Variants in PCSK5 observed in about 807,000 individuals in gnomAD.
The protein encoded by PCSK5 is proprotein convertase subtilisin/kexin type 5, also known as prohormone convertase 5.
A neutral mutation model predicts 233.2 loss-of-function variants in PCSK5; 129 were observed. That is an observed-to-expected ratio of 0.55 (90% confidence interval 0.48 to 0.64). PCSK5 has a LOEUF of 0.64. PCSK5 is among the 30% of genes least tolerant of loss of function. PCSK5 has a pLI of 0.00. For missense variants in PCSK5, 2,076 were observed against 2,430.1 expected (o/e 0.85, Z 3.06); for synonymous variants, 825 against 879.2 (o/e 0.94, Z 1.09).
intron 1 of PCSK5, among the ~76,000 whole-genome samples, chr9:75,914,442 T>C (rs1822891186): frequency 6.6e-6 from 1 of 152,166 alleles, no homozygotes; most frequent in South Asian, 2.1e-4. Flanking sequence ...AGAGGAGCCC[T>C]AATACTAGTC....
chr9:76,154,584 A>G (rs1163106544), intron 10 of PCSK5, among the ~76,000 whole-genome samples: 1 of 152,164 alleles, frequency 6.6e-6, no homozygotes, highest in Non-Finnish European at 1.5e-5. Context: ...CAACATGCCA[A>G]TCGAATCTTT....
At chr9:76,147,318 G>A (rs1823479744) in intron 10 of PCSK5, among the ~76,000 whole-genome samples, 1 of 152,176 alleles carries the variant, frequency 6.6e-6, no homozygotes, top group South Asian at 2.1e-4. Context: ...CATATAAAAA[G>A]ATACTGACAT....
intron 1 of PCSK5, among the ~76,000 whole-genome samples, chr9:75,892,304 T>G (rs1036985154): frequency 6.6e-6 from 1 of 152,096 alleles, no homozygotes; most frequent in African/African-American, 2.4e-5. Context: ...GTACTCCGGG[T>G]TCAGTGGTCT....
intron 2 of PCSK5, among the ~76,000 whole-genome samples, chr9:75,954,227 A>T (rs999267312): frequency 2.6e-5 from 4 of 152,130 alleles, no homozygotes; most frequent in African/African-American, 9.7e-5. Flanking sequence ...TGAGATTATC[A>T]TCAGGATATG....
chr9:76,174,716 GTGTT>G (rs1823493271), intron 13 of PCSK5, among the ~76,000 whole-genome samples: 1 of 152,208 alleles, frequency 6.6e-6, no homozygotes, highest in Non-Finnish European at 1.5e-5. Flanking sequence ...AATCTGAAGT[GTGTT>G]TGTTTCTCAG....
At chr9:75,922,442 G>T (rs1210682211) in intron 1 of PCSK5, among the ~76,000 whole-genome samples, 3 of 152,112 alleles carry the variant, frequency 2.0e-5, no homozygotes, top group Non-Finnish European at 4.4e-5. Context: ...TTGTCTAGGG[G>T]AAGTAACCTG....
intron 29 of PCSK5, among the ~76,000 whole-genome samples, chr9:76,310,379 G>A (rs1828830421): frequency 6.6e-6 from 1 of 152,122 alleles, no homozygotes; most frequent in Middle Eastern, 3.2e-3. Context: ...TAGAGAGTGT[G>A]TTAATAAGAC....
At chr9:76,161,786 C>G (rs1822871712) in intron 12 of PCSK5, among the ~76,000 whole-genome samples, 1 of 152,204 alleles carries the variant, frequency 6.6e-6, no homozygotes, top group African/African-American at 2.4e-5. Flanking sequence ...TCTTCAACAG[C>G]CAACATCTGC....
intron 7 of PCSK5, among the ~76,000 whole-genome samples, chr9:76,089,202 A>G (rs1010456986): frequency 2.0e-5 from 3 of 152,130 alleles, no homozygotes; most frequent in African/African-American, 7.2e-5. Flanking sequence ...TAAAGAGCTT[A>G]CACAGAGGAC....
In PCSK5 at chr9:75,986,359, A is replaced by G. The variant is rs777826592; in HGVS notation, c.411+114A>G. The G allele has an allele frequency of 3.1e-4, 202 of 653,836 alleles. 1 individual carries two copies. Among genetic ancestry groups the G allele is most frequent in the Middle Eastern group, 1.9e-3 (6 of 3,214 alleles). 40.5% of individuals were successfully genotyped at this position (653,836 alleles called of 1,614,324 possible). On this transcript the variant is annotated intron_variant, in intron 3 of 37. Transcript: ENST00000674117. ...AAATACTGACCAGGGATTGTTTCCTATTTTAATACCCACCATTTGAGATTG... is the reference window on the plus strand; with the variant it reads ...AAATACTGACCAGGGATTGTTTCCTGTTTTAATACCCACCATTTGAGATTG...
chr9:76,184,783 G>A (rs776261328), intron 17 of PCSK5, 26 bp downstream of exon 17: 37 of 1,338,360 alleles, frequency 2.8e-5, no homozygotes, highest in Non-Finnish European at 3.8e-5. Flanking sequence ...ATTTTATCAA[G>A]TAACACAGCC....
chr9:76,000,702 C>T (rs6560484), intron 3 of PCSK5, among the ~76,000 whole-genome samples: 63,733 of 151,872 alleles, frequency 0.42, 13,560 homozygotes, highest in Middle Eastern at 0.46. Flanking sequence ...TTAACTTAAA[C>T]ATAGTTGATG....
chr9:76,291,826 G>A (rs571035450), intron 24 of PCSK5, among the ~76,000 whole-genome samples: 2 of 152,268 alleles, frequency 1.3e-5, no homozygotes, highest in African/African-American at 2.4e-5. Context: ...AAGATTCTTG[G>A]GTAACTGATG....
At chr9:76,247,533 A>G (rs926556838) in intron 24 of PCSK5, among the ~76,000 whole-genome samples, 4 of 152,076 alleles carry the variant, frequency 2.6e-5, no homozygotes, top group Admixed American at 6.6e-5. Context: ...TGCAAGCCCC[A>G]TGTTTAAAGG....
chr9:76,099,581 A>C (rs952148268), intron 8 of PCSK5, among the ~76,000 whole-genome samples: 2 of 152,166 alleles, frequency 1.3e-5, no homozygotes, highest in African/African-American at 4.8e-5. Context: ...CTGATCGGGA[A>C]CATGTTAACA....
chr9:76,007,675 G>A (rs1827536207), intron 3 of PCSK5, among the ~76,000 whole-genome samples: 1 of 151,816 alleles, frequency 6.6e-6, no homozygotes, highest in Non-Finnish European at 1.5e-5. Context: ...TGCCCAGGCT[G>A]GAGTGCAGTG....
chr9:75,930,115 G>A (rs992238691), intron 1 of PCSK5, among the ~76,000 whole-genome samples: 1 of 152,000 alleles, frequency 6.6e-6, no homozygotes, highest in African/African-American at 2.4e-5. Flanking sequence ...CAGCTATTTC[G>A]GCCTCCCAAA....
At position 76,336,357 on chromosome 9, in the gene PCSK5, A is replaced by G. The variant is rs929455860; in HGVS notation, c.4749-1873A>G. ...GACCTGTAGTGTTGCACCAGAGAAA[A>G]CAAAGATGAACCTTTAGGTTTCTAG... On this transcript the variant is annotated intron_variant, in intron 34 of 37. Transcript: ENST00000674117. Among the ~76,000 whole-genome samples the G allele has an allele frequency of 3.3e-5, 5 of 152,304 alleles. No homozygotes were observed. In the South Asian group the frequency reaches 6.2e-4, roughly 19 times the overall value.
intron 34 of PCSK5, among the ~76,000 whole-genome samples, chr9:76,333,808 T>C (rs1313649660): frequency 6.6e-6 from 1 of 152,216 alleles, no homozygotes; most frequent in African/African-American, 2.4e-5. Context: ...GTTTCATTCA[T>C]TTTAGTGCTA....
Sources: gnomAD v4.1 joint callset for allele counts (sites outside exome capture counted in the v4.1 genomes callset) on GRCh38, gnomAD v4.1.1 for gene constraint, MANE v1.5 for transcripts, NCBI Gene and HGNC (gene_info 2026-07-23, HGNC 2026-07-21) for gene names.